Variants in MYO1B observed in about 807,000 individuals in gnomAD.
The protein encoded by MYO1B is myosin IB.
In MYO1B, 72 loss-of-function variants were observed where a neutral mutation model predicts 159.7. The ratio of observed to expected loss-of-function variants is 0.45; its 90% CI spans 0.37 to 0.55. The LOEUF (loss-of-function observed/expected upper bound fraction) is 0.55, where lower values mean the gene tolerates loss of function less well. Among genes scored for constraint, MYO1B ranks in the 20% least tolerant of loss-of-function variants. The pLI is 0.00. For missense variants in MYO1B, 1,062 were observed against 1,364.8 expected (o/e 0.78, Z 3.50); for synonymous variants, 468 against 473.8 (o/e 0.99, Z 0.16).
chr2:191,386,169 C>T, intron 16 of MYO1B, 85 bp downstream of exon 16: 1 of 1,274,034 alleles, frequency 7.8e-7, no homozygotes, highest in Non-Finnish European at 1.1e-6. Context: ...CGTTCGAAAC[C>T]CCATTAACTT....
At chr2:191,363,668 A>T in intron 9 of MYO1B, 60 bp from the exon 10 acceptor site, 1 of 1,531,942 alleles carries the variant, frequency 6.5e-7, no homozygotes, top group Non-Finnish European at 8.7e-7. Context: ...ATGATTCATT[A>T]AAAAAGAAAA....
chr2:191,274,013 A>G (rs1687609013), intron 1 of MYO1B, among the ~76,000 whole-genome samples: 2 of 152,332 alleles, frequency 1.3e-5, no homozygotes, highest in East Asian at 3.9e-4. Context: ...AATACCAGAA[A>G]CCACCATAAG....
intron 1 of MYO1B, among the ~76,000 whole-genome samples, chr2:191,257,803 C>T (rs536145342): frequency 1.3e-5 from 2 of 152,300 alleles, no homozygotes; most frequent in Admixed American, 6.5e-5. Flanking sequence ...AGTGTAAAAT[C>T]TAGTGGAGGA....
At chr2:191,322,544 A>G (rs1483223333) in intron 3 of MYO1B, among the ~76,000 whole-genome samples, 1 of 152,148 alleles carries the variant, frequency 6.6e-6, no homozygotes. Context: ...GAGGATGTCC[A>G]TTATGATTTG....
intron 1 of MYO1B, among the ~76,000 whole-genome samples, chr2:191,266,663 C>T (rs989808921): frequency 7.2e-5 from 11 of 152,156 alleles, no homozygotes; most frequent in South Asian, 2.1e-4. Flanking sequence ...CTGGCTCCAC[C>T]GCCTTCTTTT....
At chr2:191,314,666 A>G (rs185797331) in intron 3 of MYO1B, among the ~76,000 whole-genome samples, 266 of 152,324 alleles carry the variant, frequency 1.7e-3, no homozygotes, top group African/African-American at 5.8e-3. Context: ...AGTTTCCCCT[A>G]TATTCAAGAA....
intron 3 of MYO1B, among the ~76,000 whole-genome samples, chr2:191,309,708 G>A (rs183674773): frequency 6.6e-6 from 1 of 152,172 alleles, no homozygotes; most frequent in Admixed American, 6.5e-5. Context: ...GGGCTGACTT[G>A]TTCTCTTACT....
chr2:191,345,969 G>A (rs1209628425), intron 5 of MYO1B, among the ~76,000 whole-genome samples: 1 of 152,146 alleles, frequency 6.6e-6, no homozygotes, highest in Non-Finnish European at 1.5e-5. Flanking sequence ...GTTGAATTAG[G>A]TAAGATTAAG....
chr2:191,287,250 A>G (rs1055122862), intron 2 of MYO1B, among the ~76,000 whole-genome samples: 1 of 152,154 alleles, frequency 6.6e-6, no homozygotes, highest in African/African-American at 2.4e-5. Context: ...AACTCAGGCC[A>G]GGCGCGGTGG....
chr2:191,258,757 A>G (rs1232309946), intron 1 of MYO1B, among the ~76,000 whole-genome samples: 3 of 152,214 alleles, frequency 2.0e-5, no homozygotes, highest in African/African-American at 7.2e-5. Flanking sequence ...CGTTGGGTTT[A>G]GCCTAGGCAT....
chr2:191,416,287 TTTTG>T (rs1026036087), intron 30 of MYO1B, 45 bp downstream of exon 30: 3 of 1,612,306 alleles, frequency 1.9e-6, no homozygotes, highest in Middle Eastern at 1.6e-4. Flanking sequence ...CTTTCAGCTT[TTTTG>T]TTTTAGTTCA....
At chr2:191,279,994 CG>C (rs1559136449) in intron 2 of MYO1B, among the ~76,000 whole-genome samples, 1 of 152,126 alleles carries the variant, frequency 6.6e-6, no homozygotes, top group Non-Finnish European at 1.5e-5. Context: ...AGCTCTAAAT[CG>C]GGGGGTTCAG....
chr2:191,404,758 G>A (rs568259403), intron 24 of MYO1B, among the ~76,000 whole-genome samples: 5 of 152,276 alleles, frequency 3.3e-5, no homozygotes, highest in Admixed American at 2.6e-4. Flanking sequence ...TGTCTAAAAA[G>A]CCAAAGTACA....
chr2:191,288,029 G>A (rs1442235609), intron 2 of MYO1B, among the ~76,000 whole-genome samples: 1 of 152,078 alleles, frequency 6.6e-6, no homozygotes, highest in South Asian at 2.1e-4. Flanking sequence ...ATTCTAGCAT[G>A]TGTCAGAATT....
chr2:191,330,835 AATT>A (rs1209040787), intron 4 of MYO1B, among the ~76,000 whole-genome samples: 3 of 152,178 alleles, frequency 2.0e-5, no homozygotes, highest in Admixed American at 2.0e-4. Flanking sequence ...ATAATTGGTC[AATT>A]ATTTTAGTAT....
At chr2:191,358,254 A>G (rs1234430176) in intron 7 of MYO1B, among the ~76,000 whole-genome samples, 2 of 152,200 alleles carry the variant, frequency 1.3e-5, no homozygotes, top group African/African-American at 4.8e-5. Flanking sequence ...ACCTCAGGGA[A>G]GGTGTTCAGG....
chr2:191,320,802 T>C lies in MYO1B; in HGVS notation c.252-9133T>C, dbSNP rs970954830. On this transcript the variant is annotated intron_variant, in intron 3 of 30. Transcript: ENST00000392318. ...AAGCACAAACCAAAGCTTGAAGAAG[T>C]TGATAGCCTTTTACCGCTGCCCATT... is the stretch of plus-strand genomic sequence containing the variant. 1.6e-4 allele frequency among the ~76,000 whole-genome samples: 24 copies of C among 152,058 alleles called. 1 individual carries two copies. The highest frequency in any genetic ancestry group is 1.3e-4 in the Admixed American group (2 of 15,268).
chr2:191,338,369 A>G (rs1691994323), intron 4 of MYO1B, among the ~76,000 whole-genome samples: 1 of 152,236 alleles, frequency 6.6e-6, no homozygotes, highest in Non-Finnish European at 1.5e-5. Context: ...AATTGCTTAA[A>G]TAGGTTTTAA....
chr2:191,294,117 A>G (rs1574358716), intron 2 of MYO1B, among the ~76,000 whole-genome samples: 4 of 152,268 alleles, frequency 2.6e-5, no homozygotes, highest in Admixed American at 2.6e-4. Flanking sequence ...ACAAACACAC[A>G]TAATTCAGTA....
Sources: allele counts gnomAD v4.1 joint callset (sites outside exome capture counted in the v4.1 genomes callset), GRCh38; gene constraint gnomAD v4.1.1; transcripts MANE v1.5; gene names NCBI Gene and HGNC (gene_info 2026-07-23, HGNC 2026-07-21).